The following MCTP1 variants were observed in gnomAD, a reference collection of about 807,000 sequenced individuals.
The protein encoded by MCTP1 is multiple C2 and transmembrane domain containing 1.
In MCTP1, 69 loss-of-function variants were observed where a neutral mutation model predicts 120.6. The observed-to-expected ratio is 0.57, with a 90% CI of 0.47 to 0.70. MCTP1 has a LOEUF of 0.70. Among genes scored for constraint, MCTP1 ranks in the 30% least tolerant of loss-of-function variants. The pLI, the probability that MCTP1 is intolerant of heterozygous loss-of-function variation, is 0.00. For synonymous variants in MCTP1, 529 were observed against 493.1 expected (o/e 1.07, Z -0.96); for missense variants, 1,203 against 1,248.8 (o/e 0.96, Z 0.55).
At chr5:95,118,909 G>C (rs1758006072) in intron 1 of MCTP1, among the ~76,000 whole-genome samples, 1 of 152,138 alleles carries the variant, frequency 6.6e-6, no homozygotes, top group South Asian at 2.1e-4. Context: ...GAACTAAAGA[G>C]AGAAATAGAC....
intron 1 of MCTP1, among the ~76,000 whole-genome samples, chr5:95,091,373 T>A (rs1315365928): frequency 6.6e-6 from 1 of 152,234 alleles, no homozygotes; most frequent in Non-Finnish European, 1.5e-5. Flanking sequence ...GAAATTTTTA[T>A]GACATTCCTT....
chr5:95,265,414 T>G (rs1045735851), intron 1 of MCTP1, among the ~76,000 whole-genome samples: 1 of 152,118 alleles, frequency 6.6e-6, no homozygotes, highest in Admixed American at 6.6e-5. Context: ...AAGCCCAGAG[T>G]GCACAAGCAC....
At chr5:94,947,878 C>T (rs1261608754) in intron 3 of MCTP1, among the ~76,000 whole-genome samples, 2 of 151,098 alleles carry the variant, frequency 1.3e-5, no homozygotes, top group East Asian at 2.0e-4. Flanking sequence ...CACCTCAGCG[C>T]CCCAAAGTGC....
At chr5:95,025,785 C>G (rs572454118) in intron 1 of MCTP1, among the ~76,000 whole-genome samples, 7 of 152,140 alleles carry the variant, frequency 4.6e-5, no homozygotes, top group South Asian at 2.1e-4. Flanking sequence ...GCCTGATAAT[C>G]AATTTTTCTT....
intron 1 of MCTP1, among the ~76,000 whole-genome samples, chr5:95,108,193 TA>T (rs1006703086): frequency 4.6e-5 from 7 of 152,204 alleles, no homozygotes; most frequent in Non-Finnish European, 2.9e-5. Context: ...ACAGTTTCTC[TA>T]AAAGACCAAG....
chr5:95,135,822 C>T (rs1483271913), intron 1 of MCTP1, among the ~76,000 whole-genome samples: 1 of 152,128 alleles, frequency 6.6e-6, no homozygotes, highest in Non-Finnish European at 1.5e-5. Flanking sequence ...TCTAGGGAAC[C>T]CTGACTAATG....
chr5:94,706,266 G>GAGTT lies in MCTP1; in HGVS notation c.*1226_*1229dup, dbSNP rs1452339104. On this transcript the variant is annotated 3_prime_UTR_variant, in exon 23 of 23. Transcript: ENST00000515393. ...AACCAACCAAATTATTTTTTCTCCA[G>GAGTT]AGTTATGCTCCCTTAGTATACCAGG... 4 of 151,576 alleles carry GAGTT rather than the reference G, an allele frequency of 2.6e-5. No homozygotes were observed. Among genetic ancestry groups the GAGTT allele is most frequent in the Non-Finnish European group, 5.9e-5 (4 of 67,742 alleles). The allele number at this position is 151,576 out of a possible 1,614,324, so 9.4% of individuals were successfully genotyped here.
chr5:94,920,716 C>G (rs534932346), intron 7 of MCTP1, among the ~76,000 whole-genome samples: 1 of 150,160 alleles, frequency 6.7e-6, no homozygotes, highest in East Asian at 2.0e-4. Flanking sequence ...CACTCCAGCC[C>G]GGGCGACAGA....
At chr5:94,724,917 G>C (rs957574259) in intron 19 of MCTP1, among the ~76,000 whole-genome samples, 48 of 152,144 alleles carry the variant, frequency 3.2e-4, no homozygotes, top group African/African-American at 1.1e-3. Flanking sequence ...TCTGATAGAA[G>C]CCACAACAGA....
chr5:95,033,259 A>G (rs1840621029), intron 1 of MCTP1, among the ~76,000 whole-genome samples: 1 of 152,080 alleles, frequency 6.6e-6, no homozygotes, highest in Non-Finnish European at 1.5e-5. Flanking sequence ...AAAATCTGAC[A>G]GGGACACAAC....
At position 94,868,348 on chromosome 5, in the gene MCTP1, A is replaced by G; in HGVS notation, c.2421T>C (p.Ser807=). The G allele has an allele frequency of 6.2e-7, 1 of 1,600,274 alleles. No individual in the cohort carries two copies. The highest frequency in any genetic ancestry group is 8.5e-7 in the Non-Finnish European group (1 of 1,174,204). ...SCFDWDSPPR[S]LAAFVLFLFV... is the part of the protein sequence containing the mutation. ...ATGATCATACCACAAAAGCAGCGAG[A>G]CTCCTTGGGGGTGAATCCCAATCAA... The change falls in exon 17 of 23, where the codon AGT becomes AGC. Residue 807 remains serine, a synonymous_variant. Transcript: ENST00000515393.
chr5:95,055,330 T>C (rs1374506236), intron 1 of MCTP1, among the ~76,000 whole-genome samples: 1 of 152,214 alleles, frequency 6.6e-6, no homozygotes, highest in Non-Finnish European at 1.5e-5. Flanking sequence ...CAGGCATTTA[T>C]TTATTCTTTA....
chr5:95,020,197 T>C (rs946288464), intron 1 of MCTP1, among the ~76,000 whole-genome samples: 1 of 152,058 alleles, frequency 6.6e-6, no homozygotes, highest in African/African-American at 2.4e-5. Context: ...TATTCTGTAG[T>C]CTTCATTGCT....
intron 1 of MCTP1, among the ~76,000 whole-genome samples, chr5:95,207,415 A>T (rs776697023): frequency 2.0e-5 from 3 of 152,156 alleles, no homozygotes; most frequent in Non-Finnish European, 2.9e-5. Flanking sequence ...TGTTTACCCC[A>T]ATCTAGTGAA....
intron 12 of MCTP1, among the ~76,000 whole-genome samples, chr5:94,874,382 A>G (rs1798368033): frequency 6.6e-6 from 1 of 152,090 alleles, no homozygotes; most frequent in Admixed American, 6.6e-5. Context: ...ACAGCAGTGT[A>G]TTTACTTTCC....
At chr5:95,223,791 C>T (rs377017450) in intron 1 of MCTP1, among the ~76,000 whole-genome samples, 1 of 152,286 alleles carries the variant, frequency 6.6e-6, no homozygotes, top group East Asian at 1.9e-4. Context: ...GAGAGGATTA[C>T]AGTTCCCTCT....
chr5:94,871,211 T>C, intron 14 of MCTP1, 104 bp downstream of exon 14: 1 of 783,868 alleles, frequency 1.3e-6, no homozygotes, highest in Non-Finnish European at 2.2e-6. Context: ...TTACAGACCT[T>C]GGTTGAGAAA....
chr5:95,190,267 C>T (rs528965597), intron 1 of MCTP1, among the ~76,000 whole-genome samples: 3 of 152,108 alleles, frequency 2.0e-5, no homozygotes, highest in African/African-American at 7.2e-5. Flanking sequence ...ATCCAACTAG[C>T]CTGCAGAGAA....
chr5:94,920,272 G>GTTTTT (rs5869657), intron 7 of MCTP1, among the ~76,000 whole-genome samples: 1 of 128,226 alleles, frequency 7.8e-6, no homozygotes, highest in African/African-American at 2.8e-5. Flanking sequence ...ACAGAGACCT[G>GTTTTT]TTTTTTTTTT....
Sources: gnomAD v4.1 joint callset for allele counts (sites outside exome capture counted in the v4.1 genomes callset) on GRCh38, gnomAD v4.1.1 for gene constraint, MANE v1.5 for transcripts, NCBI Gene and HGNC (gene_info 2026-07-23, HGNC 2026-07-21) for gene names.